Variants in CBFA2T2 observed in about 807,000 individuals in gnomAD.
CBFA2T2 encodes the protein protein CBFA2T2.
CBFA2T2 carries 11 observed loss-of-function variants against 62.2 expected under a neutral mutation model. That is an observed-to-expected ratio of 0.18 (90% CI 0.11 to 0.29). CBFA2T2 has a LOEUF of 0.29. CBFA2T2 is among the 10% of genes least tolerant of loss of function. The pLI is 1.00. For synonymous variants in CBFA2T2, 295 were observed against 287.5 expected (o/e 1.03, Z -0.27); for missense variants, 592 against 774.1 (o/e 0.76, Z 2.79).
intron 1 of CBFA2T2, among the ~76,000 whole-genome samples, chr20:33,507,287 C>T (rs1178679838): frequency 6.6e-6 from 1 of 152,016 alleles, no homozygotes; most frequent in Non-Finnish European, 1.5e-5. Context: ...CTATGTAGTC[C>T]AGTAAGGGAG....
At chr20:33,523,945 A>C (rs2011808851) in intron 1 of CBFA2T2, among the ~76,000 whole-genome samples, 1 of 151,664 alleles carries the variant, frequency 6.6e-6, no homozygotes. Context: ...CGGCCTCCCA[A>C]AGTGCTGAGA....
chr20:33,528,338 CAT>C (rs2011945129), intron 1 of CBFA2T2, among the ~76,000 whole-genome samples: 1 of 152,178 alleles, frequency 6.6e-6, no homozygotes, highest in Non-Finnish European at 1.5e-5. Flanking sequence ...AAGATGAGGA[CAT>C]ATGAGTAGAA....
intron 4 of CBFA2T2, among the ~76,000 whole-genome samples, 176 bp from the exon 5 acceptor site, chr20:33,622,939 G>C (rs989772706): frequency 2.0e-5 from 3 of 152,182 alleles, no homozygotes; most frequent in African/African-American, 4.8e-5. Flanking sequence ...AATTGAACCA[G>C]TAATTCAAGT....
chr20:33,578,532 T>G (rs929885214), intron 1 of CBFA2T2, among the ~76,000 whole-genome samples: 3 of 152,240 alleles, frequency 2.0e-5, no homozygotes, highest in African/African-American at 7.2e-5. Flanking sequence ...GTTGCCATAC[T>G]CTGAGGTGTC....
At chr20:33,545,439 C>CTCTCTCTT (rs1555833711) in intron 1 of CBFA2T2, among the ~76,000 whole-genome samples, 1 of 148,146 alleles carries the variant, frequency 6.8e-6, no homozygotes, top group Non-Finnish European at 1.5e-5. Context: ...CTCTTTCTTT[C>CTCTCTCTT]TCTTTCTTTC....
At chr20:33,545,715 T>G (rs571947780) in intron 1 of CBFA2T2, among the ~76,000 whole-genome samples, 7 of 152,346 alleles carry the variant, frequency 4.6e-5, no homozygotes, top group African/African-American at 1.7e-4. Flanking sequence ...CCCAAAATGC[T>G]GGGATTACAG....
rs759789147 is a variant in CBFA2T2, at chr20:33,623,134, A to T, written c.530A>T (p.Gln177Leu). 8 of 1,614,270 alleles carry T rather than the reference A, an allele frequency of 5.0e-6. No homozygotes were observed. The highest frequency in any genetic ancestry group is 1.6e-4 in the Middle Eastern group (1 of 6,062). ...PFLKANLPLL[Q>L]RELLHCARAA... ...TTCAAGGCCAACCTGCCCCTGCTGCAGCGGGAACTGCTGCACTGCGCTCGG... is the reference window on the plus strand; with the variant it reads ...TTCAAGGCCAACCTGCCCCTGCTGCTGCGGGAACTGCTGCACTGCGCTCGG... Residue 177 changes from glutamine to leucine, a missense_variant, in exon 5 of 11, where the codon CAG (glutamine) becomes CTG (leucine). Around this residue, in one of 3 missense-constraint regions of CBFA2T2, gnomAD observed 449 missense variants for 551.2 expected, o/e 0.81. Coordinates refer to ENST00000342704, the MANE Select transcript of CBFA2T2 (RefSeq NM_001032999.3).
chr20:33,643,824 AATGTG>A, intron 10 of CBFA2T2, among the ~76,000 whole-genome samples: 1 of 39,366 alleles, frequency 2.5e-5, no homozygotes, highest in African/African-American at 1.3e-4. Context: ...TATAGTATAT[AATGTG>A]TGTGTGTGTG....
At chr20:33,596,496 C>A (rs1033608090) in intron 1 of CBFA2T2, among the ~76,000 whole-genome samples, 1 of 152,128 alleles carries the variant, frequency 6.6e-6, no homozygotes, top group Non-Finnish European at 1.5e-5. Flanking sequence ...GCTTACAGCC[C>A]GGTAGATTAT....
chr20:33,509,153 T>C (rs1186523596), intron 1 of CBFA2T2, among the ~76,000 whole-genome samples: 1 of 151,122 alleles, frequency 6.6e-6, no homozygotes, highest in Admixed American at 6.6e-5. Flanking sequence ...GATCATCTGA[T>C]GTCAGGAGTT....
At chr20:33,580,504 G>GT (rs2014062708) in intron 1 of CBFA2T2, among the ~76,000 whole-genome samples, 2 of 152,152 alleles carry the variant, frequency 1.3e-5, no homozygotes, top group South Asian at 4.1e-4. Context: ...GCCTTGTGAT[G>GT]TGAACAGAAA....
chr20:33,501,941 A>C (rs2011292120), intron 1 of CBFA2T2, among the ~76,000 whole-genome samples: 1 of 4,944 alleles, frequency 2.0e-4, no homozygotes, highest in South Asian at 0.026. Context: ...CGCCTGGCCT[A>C]ATTACAAAAT....
intron 1 of CBFA2T2, among the ~76,000 whole-genome samples, chr20:33,498,337 C>T (rs1041172286): frequency 3.3e-5 from 5 of 151,612 alleles, no homozygotes; most frequent in Non-Finnish European, 5.9e-5. Flanking sequence ...CTGCAACCTC[C>T]GCCTCCCAGG....
At chr20:33,635,463 G>A (rs189424531) in intron 8 of CBFA2T2, among the ~76,000 whole-genome samples, 1 of 152,346 alleles carries the variant, frequency 6.6e-6, no homozygotes, top group Admixed American at 6.5e-5. Flanking sequence ...GGCCTAGAAA[G>A]CGCCCAGTCC....
In CBFA2T2 at chr20:33,567,636, G is replaced by A. The variant is rs1179036555; in HGVS notation, c.35-39320G>A. On this transcript the variant is annotated intron_variant, in intron 1 of 10. Transcript: ENST00000342704. ...TCACTCTTGTTGCCCAGGCTGGAGT[G>A]CAGTGGCGTGATCTCGGCTCACTGC... Among the ~76,000 whole-genome samples the A allele has an allele frequency of 2.0e-5, 3 of 150,864 alleles. No individual in the cohort carries two copies. In the East Asian group the frequency reaches 5.9e-4, roughly 30 times the overall value.
At chr20:33,565,719 T>TG (rs2013281656) in intron 1 of CBFA2T2, among the ~76,000 whole-genome samples, 1 of 152,174 alleles carries the variant, frequency 6.6e-6, no homozygotes, top group Non-Finnish European at 1.5e-5. Flanking sequence ...CTGAAGATTA[T>TG]GGAAGCATCA....
chr20:33,578,171 C>T (rs527566368), intron 1 of CBFA2T2, among the ~76,000 whole-genome samples: 7 of 152,200 alleles, frequency 4.6e-5, no homozygotes, highest in Admixed American at 3.3e-4. Flanking sequence ...TTATTTTTTC[C>T]TTTACAGCTG....
At chr20:33,568,070 AG>A (rs959692070) in intron 1 of CBFA2T2, among the ~76,000 whole-genome samples, 78 of 152,256 alleles carry the variant, frequency 5.1e-4, no homozygotes, top group African/African-American at 1.3e-3. Context: ...AGACGGTGAA[AG>A]ATTGTGTGTG....
chr20:33,559,653 A>G (rs2013024328), intron 1 of CBFA2T2, among the ~76,000 whole-genome samples: 1 of 151,902 alleles, frequency 6.6e-6, no homozygotes, highest in African/African-American at 2.4e-5. Flanking sequence ...CACCCAGCTA[A>G]TTTTTGTATT....
Sources: gnomAD v4.1 joint callset for allele counts (sites outside exome capture counted in the v4.1 genomes callset) on GRCh38, gnomAD v4.1.1 for gene constraint, gnomAD v4.1.1 regional missense constraint, MANE v1.5 for transcripts, NCBI Gene and HGNC (gene_info 2026-07-23, HGNC 2026-07-21) for gene names.